Variants in HLA-F observed in about 807,000 individuals in gnomAD.
The protein encoded by HLA-F is major histocompatibility complex, class I, F.
In HLA-F, 46 loss-of-function variants were observed where a neutral mutation model predicts 49.5. That is an observed-to-expected ratio of 0.93 (90% CI 0.73 to 1.19). HLA-F has a LOEUF of 1.19. Ranked by LOEUF, HLA-F falls within the 50% of genes most tolerant of loss-of-function variation. The pLI, the probability that HLA-F is intolerant of heterozygous loss-of-function variation, is 0.00. For synonymous variants in HLA-F, 203 were observed against 233.5 expected (o/e 0.87, Z 1.19); for missense variants, 496 against 579.6 (o/e 0.86, Z 1.48).
chr6:29,726,601 G>C, intron 6 of HLA-F: 2 of 1,513,072 alleles, frequency 1.3e-6, no homozygotes, highest in East Asian at 2.3e-5. Context: ...AGAGTGAATA[G>C]AGAGATTAAG....
chr6:29,723,555 C>T, intron 1 of HLA-F, 28 bp downstream of exon 1: 1 of 1,606,200 alleles, frequency 6.2e-7, no homozygotes, highest in Non-Finnish European at 8.5e-7. Flanking sequence ...AGAGAAACGG[C>T]CTCTGTGGGG....
chr6:29,730,961 C>T (rs1221651298), downstream of HLA-F, among the ~76,000 whole-genome samples: 1 of 152,156 alleles, frequency 6.6e-6, no homozygotes, highest in Non-Finnish European at 1.5e-5. Context: ...CCCACATGCA[C>T]CTGCTCCCCG....
At chr6:29,728,468 T>C (rs2272874), downstream of HLA-F, 30,208 of 174,734 alleles carry the variant, frequency 0.17, 3,132 homozygotes, top group East Asian at 0.29. Context: ...CCCAAGACAC[T>C]ACTCTTCTGC....
Position 29,727,107 on chromosome 6 carries a change from G to C in HLA-F, c.1261G>C (p.Gly421Arg), listed in dbSNP as rs372375149. ...TCGCTTTGGCTTCGGCTTTAGGAGG[G>C]GCAGGAGCTTCCTTCTTCGTTCTTG... ...SLRFGFGFRR[G>R]RSFLLRSWHH... Residue 421 changes from glycine to arginine, a missense_variant, in exon 7 of 7, where the codon GGC becomes CGC. Gly to Arg is a moderately radical substitution (Grantham distance 125). Coordinates refer to ENST00000259951, the MANE Select transcript of HLA-F (RefSeq NM_001098479.2). 18 of 1,611,384 alleles carry C rather than the reference G, an allele frequency of 1.1e-5. No individual in the cohort carries two copies. Among genetic ancestry groups the C allele is most frequent in the Non-Finnish European group, 1.4e-5 (16 of 1,179,700 alleles).
intron 3 of HLA-F, among the ~76,000 whole-genome samples, chr6:29,734,429 C>A (rs2844833): frequency 6.6e-6 from 1 of 152,082 alleles, no homozygotes; most frequent in Non-Finnish European, 1.5e-5. Flanking sequence ...AGAGTTGCAC[C>A]TGAGCATTTG....
rs1348809484 is a variant in HLA-F, at chr6:29,724,205, G to T, written c.367G>T (p.Asp123Tyr). ...SHTLQGMNGCDMGPDGRLLRG... is the reference protein window; with the variant it reads ...SHTLQGMNGCYMGPDGRLLRG... Reference sequence around the variant, plus strand: ...CACCCTCCAGGGAATGAATGGCTGCGACATGGGGCCCGACGGACGCCTCCT... The same window carrying T: ...CACCCTCCAGGGAATGAATGGCTGCTACATGGGGCCCGACGGACGCCTCCT... Residue 123 changes from aspartate to tyrosine, a missense_variant, in exon 3 of 7, where the codon GAC (aspartate) becomes TAC (tyrosine). Transcript: ENST00000259951. 7 of 1,613,060 alleles carry T rather than the reference G, an allele frequency of 4.3e-6. No individual in the cohort carries two copies. The highest frequency in any genetic ancestry group is 5.9e-6 in the Non-Finnish European group (7 of 1,180,042).
In HLA-F at chr6:29,726,061, G is replaced by A. The variant is rs1025386691; in HGVS notation, c.1036+18G>A. 6.8e-6 allele frequency: 11 copies of A among 1,611,224 alleles called. No homozygotes were observed. The highest frequency in any genetic ancestry group is 8.5e-6 in the Non-Finnish European group (10 of 1,177,378). On this transcript the variant is annotated intron_variant, in intron 6 of 6. Transcript: ENST00000259951. The stretch of plus-strand genomic sequence containing the variant: ...GGCTGCAGGTAAGATGAAGGAGGCT[G>A]ATCCCTGAGATTGTTGGGATATTGT...
intron 2 of HLA-F, 100 bp downstream of exon 2, chr6:29,724,027 G>A (rs751231868): frequency 1.0e-5 from 16 of 1,547,760 alleles, no homozygotes; most frequent in South Asian, 7.1e-5. Context: ...CTACCCCGAG[G>A]CAGCGGGACC....
chr6:29,726,006 C>T lies in HLA-F; in HGVS notation c.1004-5C>T. On this transcript the variant is annotated splice_polypyrimidine_tract_variant and splice_region_variant and intron_variant, in intron 5 of 6. Coordinates refer to ENST00000259951, the MANE Select transcript of HLA-F (RefSeq NM_001098479.2). ...GGCCTCTCACAGGACATTTTCTTCC[C>T]ATAGATAGAAACAGAGGGAGCTACT... 6.2e-7 allele frequency: 1 copy of T among 1,614,010 alleles called. No homozygotes were observed. Among genetic ancestry groups the T allele is most frequent in the Non-Finnish European group, 8.5e-7 (1 of 1,179,876 alleles).
intron 3 of HLA-F, among the ~76,000 whole-genome samples, chr6:29,734,516 C>A (rs1028598610): frequency 6.6e-6 from 1 of 152,068 alleles, no homozygotes; most frequent in African/African-American, 2.4e-5. Context: ...TTTCTACTTA[C>A]AGAAGAACAA....
downstream of HLA-F, chr6:29,727,329 T>C (rs1489187346): frequency 5.7e-6 from 3 of 528,954 alleles, no homozygotes; most frequent in East Asian, 9.3e-5. Flanking sequence ...ATATCTCCAC[T>C]TCTTTCAGTA....
chr6:29,732,160 G>T (rs1186695310), downstream of HLA-F, among the ~76,000 whole-genome samples: 1 of 151,738 alleles, frequency 6.6e-6, no homozygotes, highest in Non-Finnish European at 1.5e-5. Flanking sequence ...GTAGAGACAG[G>T]ATTTTGCCAT....
At chr6:29,734,043 G>A (rs1776847809) in intron 3 of HLA-F, among the ~76,000 whole-genome samples, 1 of 152,172 alleles carries the variant, frequency 6.6e-6, no homozygotes, top group Non-Finnish European at 1.5e-5. Context: ...CAGGCCCCCT[G>A]GGCATGAGCC....
downstream of HLA-F, among the ~76,000 whole-genome samples, chr6:29,729,517 C>T (rs375787430): frequency 7.2e-5 from 11 of 152,286 alleles, no homozygotes; most frequent in South Asian, 1.2e-3. Context: ...TCAAGGAACT[C>T]AACTTAGGAG....
chr6:29,724,563 G>A (rs553126385), intron 3 of HLA-F, 115 bp downstream of exon 3: 25 of 1,059,500 alleles, frequency 2.4e-5, no homozygotes, highest in Non-Finnish European at 3.3e-5. Flanking sequence ...CTCTAGTCCT[G>A]AGTAGGAAGA....
chr6:29,724,335 G>C lies in HLA-F; in HGVS notation c.497G>C (p.Arg166Pro). The change falls in exon 3 of 7, where the codon CGC becomes CCC. Residue 166 changes from arginine (R) to proline (P), a missense_variant. Transcript: ENST00000259951. ...GACACCGTGGCTCAGATCACCCAGCGCTTCTATGAGGCAGAGGAATATGCA... is the reference window on the plus strand; with the variant it reads ...GACACCGTGGCTCAGATCACCCAGCCCTTCTATGAGGCAGAGGAATATGCA... ...AADTVAQITQRFYEAEEYAEE... is the reference protein window; with the variant it reads ...AADTVAQITQPFYEAEEYAEE... The C allele has an allele frequency of 6.2e-7, 1 of 1,613,244 alleles. No homozygotes were observed. The highest frequency in any genetic ancestry group is 8.5e-7 in the Non-Finnish European group (1 of 1,180,042).
chr6:29,726,018 C>G lies in HLA-F; in HGVS notation c.1011C>G (p.Asn337Lys), dbSNP rs760933027. The G allele has an allele frequency of 6.2e-7, 1 of 1,613,896 alleles. No individual in the cohort carries two copies. The highest frequency in any genetic ancestry group is 8.5e-7 in the Non-Finnish European group (1 of 1,179,910). ...VMWRKKSSDR[N>K]RGSYSQAAAY... is the part of the protein sequence containing the mutation. ...GACATTTTCTTCCCATAGATAGAAA[C>G]AGAGGGAGCTACTCTCAGGCTGCAG... The change falls in exon 6 of 7, where the codon AAC becomes AAG. Residue 337 changes from asparagine (N) to lysine (K), a missense_variant. By Grantham distance (94) the Asn-to-Lys change is moderately conservative (BLOSUM62 0). Coordinates refer to ENST00000259951, the MANE Select transcript of HLA-F (RefSeq NM_001098479.2).
downstream of HLA-F, chr6:29,728,367 T>G (rs1776302465): frequency 3.2e-6 from 1 of 313,264 alleles, no homozygotes; most frequent in Non-Finnish European, 6.3e-6. Context: ...GAACCCACCT[T>G]CCCATGAGAC....
intron 1 of HLA-F, 29 bp downstream of exon 1, chr6:29,723,556 C>T: frequency 1.9e-6 from 3 of 1,605,972 alleles, no homozygotes; most frequent in Non-Finnish European, 2.5e-6. Context: ...GAGAAACGGC[C>T]TCTGTGGGGA....
Sources: gnomAD v4.1 joint callset for allele counts (sites outside exome capture counted in the v4.1 genomes callset) on GRCh38, gnomAD v4.1.1 for gene constraint, MANE v1.5 for transcripts, NCBI Gene and HGNC (gene_info 2026-07-23, HGNC 2026-07-21) for gene names.